The following NXPE3 variants were observed in gnomAD, a reference collection of about 807,000 sequenced individuals.
The protein encoded by NXPE3 is NXPE family member 3.
NXPE3 carries 26 observed loss-of-function variants against 46.1 expected under a neutral mutation model. The observed-to-expected ratio is 0.56, with a 90% CI of 0.41 to 0.78. The LOEUF (loss-of-function observed/expected upper bound fraction) is 0.78. Ranked by LOEUF, NXPE3 falls within the 30% of genes least tolerant of loss-of-function variation. NXPE3 has a pLI of 0.00. For synonymous variants in NXPE3, 272 were observed against 257.9 expected (o/e 1.05, Z -0.52); for missense variants, 620 against 686.0 (o/e 0.90, Z 1.07).
At chr3:101,818,625 G>T (rs1942070184) in intron 7 of NXPE3, among the ~76,000 whole-genome samples, 1 of 147,376 alleles carries the variant, frequency 6.8e-6, no homozygotes, top group Admixed American at 6.8e-5. Context: ...ATGCTAAGTA[G>T]TAGTTAGGTA....
intron 5 of NXPE3, among the ~76,000 whole-genome samples, chr3:101,804,293 C>T (rs188098345): frequency 6.6e-6 from 1 of 152,256 alleles, no homozygotes; most frequent in East Asian, 1.9e-4. Flanking sequence ...ACTATAAATT[C>T]TACCATTAAA....
intron 2 of NXPE3, among the ~76,000 whole-genome samples, 160 bp from the exon 3 acceptor site, chr3:101,782,500 G>A (rs980573040): frequency 6.6e-6 from 1 of 151,808 alleles, no homozygotes; most frequent in Non-Finnish European, 1.5e-5. Context: ...ACCTCATGCC[G>A]TGAAATAGTT....
rs1235758990 is a variant in NXPE3, at chr3:101,801,763, G to A, written c.622G>A (p.Val208Ile). ...QRLQEDKPDR[V>I]YFKSLFRSGR... ...CTTACAGGAAGATAAACCAGACAGG[G>A]TCTATTTCAAGAGTCTCTTCCGTTC... The change falls in exon 5 of 8, where the codon GTC (valine) becomes ATC (isoleucine). Residue 208 changes from valine to isoleucine, a missense_variant. Val to Ile is a conservative substitution (Grantham distance 29, BLOSUM62 3). Coordinates refer to ENST00000273347, the MANE Select transcript of NXPE3 (RefSeq NM_145037.4). The A allele has an allele frequency of 6.2e-7, 1 of 1,614,084 alleles. No individual in the cohort carries two copies. Among genetic ancestry groups the A allele is most frequent in the Non-Finnish European group, 8.5e-7 (1 of 1,180,044 alleles).
chr3:101,789,202 A>G (rs897093153), intron 4 of NXPE3, among the ~76,000 whole-genome samples: 1 of 152,042 alleles, frequency 6.6e-6, no homozygotes, highest in East Asian at 1.9e-4. Context: ...AGCTAAAGTC[A>G]TTGTTTTGAG....
chr3:101,787,177 A>T (rs1940237759), intron 4 of NXPE3, among the ~76,000 whole-genome samples: 1 of 152,110 alleles, frequency 6.6e-6, no homozygotes, highest in South Asian at 2.1e-4. Context: ...CAAATCCAAA[A>T]AACAATGATT....
chr3:101,818,715 T>TTATATATA (rs61602305), intron 7 of NXPE3, among the ~76,000 whole-genome samples: 36 of 38,028 alleles, frequency 9.5e-4, no homozygotes, highest in African/African-American at 1.9e-3. Flanking sequence ...ATATGACAAT[T>TTATATATA]TATATATATA....
chr3:101,789,407 G>T (rs781412125), intron 4 of NXPE3, among the ~76,000 whole-genome samples: 1 of 152,070 alleles, frequency 6.6e-6, no homozygotes, highest in Admixed American at 6.6e-5. Flanking sequence ...TTAGGTGAGT[G>T]TAGTGGTGTG....
At chr3:101,800,046 G>A (rs1941052528) in intron 4 of NXPE3, among the ~76,000 whole-genome samples, 1 of 151,780 alleles carries the variant, frequency 6.6e-6, no homozygotes, top group South Asian at 2.1e-4. Flanking sequence ...TTGATTTCCT[G>A]TTTTCAAGTT....
At chr3:101,784,089 G>A (rs185825099) in intron 3 of NXPE3, among the ~76,000 whole-genome samples, 11 of 152,242 alleles carry the variant, frequency 7.2e-5, no homozygotes, top group African/African-American at 1.9e-4. Context: ...GTGGTATAGC[G>A]TAGGCCTCCA....
In NXPE3 at chr3:101,785,478, C is replaced by T; in HGVS notation, c.-119C>T. Reference sequence around the variant, plus strand: ...GCATAAGAGCTCTTAAGGGTACTAGCAGGATAGAAGCAAATGAAACTGAAA... The same window carrying T: ...GCATAAGAGCTCTTAAGGGTACTAGTAGGATAGAAGCAAATGAAACTGAAA... On this transcript the variant is annotated 5_prime_UTR_variant, in exon 4 of 8. Transcript: ENST00000273347. 1.2e-6 allele frequency: 1 copy of T among 827,488 alleles called. No homozygotes were observed. Among genetic ancestry groups the T allele is most frequent in the Non-Finnish European group, 2.1e-6 (1 of 481,380 alleles). The allele number at this position is 827,488 out of a possible 1,614,324, so 51.3% of individuals were successfully genotyped here.
rs199602279 is a variant in NXPE3 at position 101,785,575 on chromosome 3, G to A, written c.-22G>A. ...GAAGGTAGCATGGTGTCGGCCATGGGTGAACAAGACACAGCCAGACAATGT... is the reference window on the plus strand; with the variant it reads ...GAAGGTAGCATGGTGTCGGCCATGGATGAACAAGACACAGCCAGACAATGT... On this transcript the variant is annotated 5_prime_UTR_variant, in exon 4 of 8. It adds an upstream start codon to the 5' untranslated region. Transcript: ENST00000273347. 6.2e-7 allele frequency: 1 copy of A among 1,608,096 alleles called. No individual in the cohort carries two copies. The highest frequency in any genetic ancestry group is 8.5e-7 in the Non-Finnish European group (1 of 1,174,486).
intron 4 of NXPE3, among the ~76,000 whole-genome samples, chr3:101,799,788 T>C (rs1295864949): frequency 6.6e-6 from 1 of 152,222 alleles, no homozygotes; most frequent in Admixed American, 6.5e-5. Flanking sequence ...TTAGGTGCAT[T>C]CTTTATGGAT....
In NXPE3 at chr3:101,787,363, A is replaced by G. The variant is rs367894109; in HGVS notation, c.93+1674A>G. Among the ~76,000 whole-genome samples, 17 of 152,154 alleles carry G rather than the reference A, an allele frequency of 1.1e-4. No homozygotes were observed. In the East Asian group the frequency reaches 2.3e-3, roughly 21 times the overall value. The stretch of plus-strand genomic sequence containing the variant: ...GCTCTGTTGCCCAGGCTGGAGTGCA[A>G]TGGCACGATCTTGTCTCACTGCAAC... On this transcript the variant is annotated intron_variant, in intron 4 of 7. Transcript: ENST00000273347.
At chr3:101,793,848 T>C (rs1253082023) in intron 4 of NXPE3, among the ~76,000 whole-genome samples, 8 of 151,842 alleles carry the variant, frequency 5.3e-5, no homozygotes, top group African/African-American at 1.9e-4. Flanking sequence ...TCCTGAGTTA[T>C]TTTTCTTCAC....
intron 4 of NXPE3, among the ~76,000 whole-genome samples, chr3:101,797,583 C>T (rs1450735898): frequency 9.5e-6 from 1 of 105,534 alleles, no homozygotes; most frequent in Non-Finnish European, 1.9e-5. Context: ...CCTCCCCCGA[C>T]CCCACCACAG....
intron 7 of NXPE3, among the ~76,000 whole-genome samples, chr3:101,819,913 C>T (rs1340490772): frequency 6.6e-6 from 1 of 152,216 alleles, no homozygotes; most frequent in Non-Finnish European, 1.5e-5. Context: ...TAGCAGCCCT[C>T]TGGTAACCAC....
chr3:101,813,355 T>C (rs1941812420), intron 6 of NXPE3, among the ~76,000 whole-genome samples: 1 of 147,510 alleles, frequency 6.8e-6, no homozygotes. Context: ...CAGCCCTCCC[T>C]GCCCCGCCCC....
chr3:101,801,834 G>A lies in NXPE3; in HGVS notation c.693G>A (p.Gly231=), dbSNP rs567933453. Residue 231 remains glycine, a synonymous_variant, in exon 5 of 8, where the codon GGG becomes GGA. Transcript: ENST00000273347. ...ETTECNVCLP[G]NLPLCNFTDL... is the part of the protein sequence containing the mutation. ...CTGAGTGCAACGTGTGTCTTCCTGG[G>A]AATCTGCCCCTGTGTAACTTTACAG... The A allele has an allele frequency of 8.7e-6, 14 of 1,614,156 alleles. No individual in the cohort carries two copies. In the South Asian group the frequency reaches 1.5e-4, roughly 18 times the overall value.
At chr3:101,801,210 C>G in intron 4 of NXPE3, 25 bp from the exon 5 acceptor site, 1 of 1,576,972 alleles carries the variant, frequency 6.3e-7, no homozygotes, top group Non-Finnish European at 8.6e-7. Flanking sequence ...GTGGTAATTT[C>G]TGTTGTTTGT....
Sources: allele counts gnomAD v4.1 joint callset (sites outside exome capture counted in the v4.1 genomes callset), GRCh38; gene constraint gnomAD v4.1.1; transcripts MANE v1.5; gene names NCBI Gene and HGNC (gene_info 2026-07-23, HGNC 2026-07-21).